The following NUCB2 variants were observed in gnomAD, a reference collection of about 807,000 sequenced individuals.
NUCB2 encodes nucleobindin 2, also known as nucleobindin-2.
Under a neutral mutation model 57.9 loss-of-function variants are expected in NUCB2, and 48 were observed. The observed-to-expected ratio is 0.83, with a 90% CI of 0.66 to 1.05. NUCB2 has a LOEUF of 1.05. Among genes scored for constraint, NUCB2 ranks in the 50% least tolerant of loss-of-function variants. The pLI is 0.00. For synonymous variants in NUCB2, 139 were observed against 152.1 expected, an observed-to-expected ratio of 0.91 and a Z score of 0.64; for missense variants, 442 against 476.2, an observed-to-expected ratio of 0.93 and a Z score of 0.67.
At chr11:17,335,792 G>A (rs115379570), downstream of NUCB2, among the ~76,000 whole-genome samples, 1,318 of 152,180 alleles carry the variant, frequency 8.7e-3, 19 homozygotes, top group African/African-American at 0.03. Context: ...GAGCCACCGC[G>A]CCCAGCCTAT....
intron 2 of NUCB2, among the ~76,000 whole-genome samples, chr11:17,294,519 A>T (rs182078146): frequency 9.7e-4 from 147 of 152,276 alleles, no homozygotes; most frequent in Admixed American, 1.4e-3. Flanking sequence ...GTGGTTTGTT[A>T]ATGGCAAGAC....
intron 5 of NUCB2, among the ~76,000 whole-genome samples, chr11:17,306,217 G>A (rs530989195): frequency 6.6e-6 from 1 of 152,228 alleles, no homozygotes; most frequent in East Asian, 1.9e-4. Context: ...GGTTATCTGG[G>A]TGGTTTGTTG....
chr11:17,317,561 A>G (rs776216579), intron 11 of NUCB2: 2 of 432,248 alleles, frequency 4.6e-6, no homozygotes, highest in Non-Finnish European at 9.3e-6. Context: ...GATACATTGA[A>G]TTCAGTTGTA....
intron 5 of NUCB2, among the ~76,000 whole-genome samples, chr11:17,303,224 G>T (rs993699535): frequency 6.6e-6 from 1 of 152,082 alleles, no homozygotes; most frequent in African/African-American, 2.4e-5. Flanking sequence ...CCATTAAAGA[G>T]CAGATTGTCA....
chr11:17,303,720 A>G (rs1173429259), intron 5 of NUCB2, among the ~76,000 whole-genome samples: 1 of 152,058 alleles, frequency 6.6e-6, no homozygotes, highest in Admixed American at 6.6e-5. Flanking sequence ...CCTCATCTCT[A>G]CTAAATATAC....
chr11:17,305,529 T>G (rs1947483829), intron 5 of NUCB2, among the ~76,000 whole-genome samples: 1 of 152,146 alleles, frequency 6.6e-6, no homozygotes, highest in Non-Finnish European at 1.5e-5. Flanking sequence ...CAACAGACAT[T>G]CCAGAAGTAG....
At chr11:17,315,528 T>G (rs1949112460) in intron 11 of NUCB2, 53 bp downstream of exon 11, 2 of 1,055,886 alleles carry the variant, frequency 1.9e-6, no homozygotes, top group Non-Finnish European at 2.9e-6. Context: ...TCTACATCAG[T>G]CTATTCTACT....
intron 5 of NUCB2, among the ~76,000 whole-genome samples, chr11:17,307,629 T>A (rs1947885419): frequency 6.6e-6 from 1 of 152,346 alleles, no homozygotes; most frequent in African/African-American, 2.4e-5. Flanking sequence ...ATTTTTTGTT[T>A]TTTTACAGCT....
chr11:17,288,878 TATATACACACACACACACACACACACAC>T (rs1944313342), intron 2 of NUCB2, among the ~76,000 whole-genome samples: 1 of 50,918 alleles, frequency 2.0e-5, no homozygotes, highest in African/African-American at 6.5e-5. Flanking sequence ...TAATAACATG[TATATACACACACACACACACACACACAC>T]ACACACACAC....
At chr11:17,308,598 C>T (rs1352255854) in intron 5 of NUCB2, among the ~76,000 whole-genome samples, 1 of 152,138 alleles carries the variant, frequency 6.6e-6, no homozygotes. Flanking sequence ...TAGAAGGGCT[C>T]GTATTGCGTT....
At chr11:17,292,371 T>C (rs1172598849) in intron 2 of NUCB2, among the ~76,000 whole-genome samples, 1 of 152,182 alleles carries the variant, frequency 6.6e-6, no homozygotes, top group African/African-American at 2.4e-5. Flanking sequence ...GAGCATTCTC[T>C]TTCTGTCTCA....
At chr11:17,347,847 T>G (rs1183968278) in intron 2 of NUCB2, among the ~76,000 whole-genome samples, 4 of 152,338 alleles carry the variant, frequency 2.6e-5, no homozygotes, top group Admixed American at 2.0e-4. Context: ...AGACTGGTCT[T>G]TCTCACAGTG....
chr11:17,324,261 T>A (rs1436168452), intron 11 of NUCB2, among the ~76,000 whole-genome samples: 1 of 152,188 alleles, frequency 6.6e-6, no homozygotes, highest in East Asian at 1.9e-4. Context: ...CCATTATCAT[T>A]TGTTTCAAGA....
chr11:17,311,308 T>C (rs1270854355), intron 8 of NUCB2, 25 bp downstream of exon 8: 5 of 1,434,882 alleles, frequency 3.5e-6, no homozygotes, highest in Non-Finnish European at 4.8e-6. Flanking sequence ...CAAATATTAA[T>C]ATTTATATCT....
In NUCB2 at chr11:17,321,802, G is replaced by A. The variant is rs149728740; in HGVS notation, c.1002+6327G>A. ...TTGGATAAAAGCCATTTTAACTGGG[G>A]TGAGATGGTATCTCATTGTAGTTTT... On this transcript the variant is annotated intron_variant, in intron 11 of 13. Coordinates refer to ENST00000529010, the MANE Select transcript of NUCB2 (RefSeq NM_005013.4). Among the ~76,000 whole-genome samples the A allele has an allele frequency of 6.4e-3, 978 of 152,160 alleles. 6 individuals are homozygous for A. The highest frequency in any genetic ancestry group is 0.01 in the Middle Eastern group (3 of 294).
At chr11:17,342,130 G>A (rs1445605825) in intron 2 of NUCB2, among the ~76,000 whole-genome samples, 1 of 152,112 alleles carries the variant, frequency 6.6e-6, no homozygotes, top group Admixed American at 6.5e-5. Flanking sequence ...TTCTCTGATG[G>A]TAGTTTGTAT....
chr11:17,322,454 G>A (rs987212222), intron 11 of NUCB2, among the ~76,000 whole-genome samples: 2 of 152,106 alleles, frequency 1.3e-5, no homozygotes, highest in Non-Finnish European at 2.9e-5. Context: ...GGGCCTGTAT[G>A]TCTGTTTTTA....
chr11:17,327,268 C>G (rs533175554), intron 11 of NUCB2, among the ~76,000 whole-genome samples: 39 of 152,136 alleles, frequency 2.6e-4, no homozygotes, highest in Middle Eastern at 6.8e-3. Context: ...TCCACGTTGG[C>G]CAGGCTGGTC....
In NUCB2 at chr11:17,296,171, T is replaced by A; in HGVS notation, c.212T>A (p.Phe71Tyr). The A allele has an allele frequency of 1.9e-6, 3 of 1,611,678 alleles. No homozygotes were observed. The highest frequency in any genetic ancestry group is 1.7e-6 in the Non-Finnish European group (2 of 1,178,604). The change falls in exon 4 of 14, where the codon TTC becomes TAC. Residue 71 changes from phenylalanine (F) to tyrosine (Y), a missense_variant. Phe to Tyr is a conservative substitution (Grantham distance 22). Coordinates refer to ENST00000529010, the MANE Select transcript of NUCB2 (RefSeq NM_005013.4). The stretch of plus-strand genomic sequence containing the variant: ...GATGTGCTGGAAACAGATAAACACT[T>A]CAGAGAAAAGCTCCAGAAAGCAGAC... ...VIDVLETDKHFREKLQKADIE... is the reference protein window; with the variant it reads ...VIDVLETDKHYREKLQKADIE...
Sources: allele counts gnomAD v4.1 joint callset (sites outside exome capture counted in the v4.1 genomes callset), GRCh38; gene constraint gnomAD v4.1.1; transcripts MANE v1.5; gene names NCBI Gene and HGNC (gene_info 2026-07-23, HGNC 2026-07-21).